DPF3: variants seen among roughly 807,000 people sequenced by gnomAD.
DPF3 encodes zinc finger protein DPF3.
In DPF3, 18 loss-of-function variants were observed where a neutral mutation model predicts 56.8. The ratio of observed to expected loss-of-function variants is 0.32; its 90% CI spans 0.22 to 0.47. The LOEUF (loss-of-function observed/expected upper bound fraction) is 0.47, where lower values mean the gene tolerates loss of function less well. Ranked by LOEUF, DPF3 falls within the 20% of genes least tolerant of loss-of-function variation. The pLI is 1.00. For missense variants in DPF3, 403 were observed against 488.8 expected (o/e 0.82, Z 1.65); for synonymous variants, 188 against 180.2 (o/e 1.04, Z -0.35).
At chr14:72,792,378 G>C (rs926382081) in intron 1 of DPF3, among the ~76,000 whole-genome samples, 1 of 151,992 alleles carries the variant, frequency 6.6e-6, no homozygotes, top group African/African-American at 2.4e-5. Flanking sequence ...AGATCCAAAG[G>C]CTTTCGCTTT....
At chr14:72,725,936 CAG>C (rs1187479370) in intron 4 of DPF3, among the ~76,000 whole-genome samples, 1 of 152,164 alleles carries the variant, frequency 6.6e-6, no homozygotes, top group African/African-American at 2.4e-5. Context: ...GGGAATCCAC[CAG>C]CTGACAGCAC....
intron 1 of DPF3, among the ~76,000 whole-genome samples, chr14:72,878,383 G>A (rs777594323): frequency 1.6e-4 from 24 of 152,178 alleles, no homozygotes; most frequent in Non-Finnish European, 7.3e-5. Context: ...ACACAGAGTC[G>A]TAGGGAAAAT....
chr14:72,733,644 G>A (rs1889766364), intron 3 of DPF3, among the ~76,000 whole-genome samples: 1 of 152,162 alleles, frequency 6.6e-6, no homozygotes, highest in African/African-American at 2.4e-5. Context: ...AGCGAGAGGG[G>A]AAGGGAGCCC....
At chr14:72,861,782 A>AGAAAGAAAGAAAGAAAGAAAGAAG (rs1885439356) in intron 1 of DPF3, among the ~76,000 whole-genome samples, 2 of 150,814 alleles carry the variant, frequency 1.3e-5, no homozygotes, top group African/African-American at 5.0e-5. Flanking sequence ...AAAGAAAGAA[A>AGAAAGAAAGAAAGAAAGAAAGAAG]GAAAGAAAGA....
intron 1 of DPF3, among the ~76,000 whole-genome samples, chr14:72,824,373 T>C (rs1305584427): frequency 1.3e-5 from 2 of 152,158 alleles, no homozygotes; most frequent in Non-Finnish European, 2.9e-5. Flanking sequence ...TCCACACTTT[T>C]GTACTTGCTG....
At chr14:72,788,135 T>C (rs1226588083) in intron 1 of DPF3, among the ~76,000 whole-genome samples, 2 of 152,158 alleles carry the variant, frequency 1.3e-5, no homozygotes, top group Non-Finnish European at 2.9e-5. Context: ...ATGCACTTGG[T>C]AAGTGTTCAT....
At chr14:72,808,574 T>G (rs1882893422) in intron 1 of DPF3, among the ~76,000 whole-genome samples, 2 of 152,082 alleles carry the variant, frequency 1.3e-5, no homozygotes, top group African/African-American at 4.8e-5. Context: ...AAATTAAAAT[T>G]TTAATAGTGT....
chr14:72,713,498 C>A (rs1218829246), intron 6 of DPF3, among the ~76,000 whole-genome samples: 1 of 152,190 alleles, frequency 6.6e-6, no homozygotes, highest in Non-Finnish European at 1.5e-5. Context: ...GAGGGAGACC[C>A]GTGCCAGGGT....
chr14:72,700,437 G>A (rs1888108382), intron 6 of DPF3, among the ~76,000 whole-genome samples: 1 of 152,228 alleles, frequency 6.6e-6, no homozygotes, highest in Non-Finnish European at 1.5e-5. Flanking sequence ...TGGGTTCAGA[G>A]TGGAGATCTG....
At position 72,655,945 on chromosome 14, in the gene DPF3, C is replaced by T. The variant is rs547854329; in HGVS notation, c.871+18295G>A. On this transcript the variant is annotated intron_variant, in intron 8 of 10. Coordinates refer to ENST00000556509, the MANE Select transcript of DPF3 (RefSeq NM_001280542.3). ...GAAATGCTTGGCTATCAGTGAGTTC[C>T]GCATCAGCCTCGACAGTCTAAAATG... Among the ~76,000 whole-genome samples the T allele has an allele frequency of 8.5e-5, 13 of 152,254 alleles. No homozygotes were observed. In the South Asian group the frequency reaches 2.5e-3, roughly 29 times the overall value.
At chr14:72,773,284 C>T (rs1282641586) in intron 1 of DPF3, among the ~76,000 whole-genome samples, 3 of 152,020 alleles carry the variant, frequency 2.0e-5, no homozygotes, top group African/African-American at 4.8e-5. Flanking sequence ...AGGTACCTGC[C>T]ACCATGCCCG....
intron 3 of DPF3, among the ~76,000 whole-genome samples, chr14:72,733,589 C>G (rs541367302): frequency 6.6e-6 from 1 of 152,308 alleles, no homozygotes; most frequent in South Asian, 2.1e-4. Context: ...CATCCATCCT[C>G]CATCAGCCTG....
chr14:72,853,034 C>CGTGTATGTGTGTGTGTGTGT (rs1555513226), intron 1 of DPF3, among the ~76,000 whole-genome samples: 3 of 144,002 alleles, frequency 2.1e-5, no homozygotes, highest in Non-Finnish European at 4.6e-5. Flanking sequence ...CATAGCCTTG[C>CGTGTATGTGTGTGTGTGTGT]GTGTGTGTGT....
At chr14:72,821,175 A>G (rs893008388) in intron 1 of DPF3, among the ~76,000 whole-genome samples, 1 of 151,068 alleles carries the variant, frequency 6.6e-6, no homozygotes, top group African/African-American at 2.4e-5. Context: ...TGGCATGCAC[A>G]CTACTTGGGA....
chr14:72,646,236 T>C (rs1885719286), intron 8 of DPF3, among the ~76,000 whole-genome samples: 1 of 152,230 alleles, frequency 6.6e-6, no homozygotes, highest in Non-Finnish European at 1.5e-5. Context: ...TGGGAACTTC[T>C]ATTCATCCTC....
rs547537204 is a variant in DPF3 at position 72,821,785 on chromosome 14, T to G, written c.33-49892A>C. Among the ~76,000 whole-genome samples the G allele has an allele frequency of 2.0e-5, 3 of 152,220 alleles. No individual in the cohort carries two copies. The East Asian group carries it at 5.8e-4, about 30-fold the overall frequency. On this transcript the variant is annotated intron_variant, in intron 1 of 10. Coordinates refer to ENST00000556509, the MANE Select transcript of DPF3 (RefSeq NM_001280542.3). ...CTTTGGGAGACCAAGGCAGGAGGAC[T>G]GCTTGAGGCCAGGAGTTCAAGACTA...
At chr14:72,757,799 T>C (rs990469831) in intron 2 of DPF3, among the ~76,000 whole-genome samples, 2 of 152,176 alleles carry the variant, frequency 1.3e-5, no homozygotes, top group African/African-American at 4.8e-5. Flanking sequence ...GATTTTGGTA[T>C]CTTCTGGGGT....
chr14:72,784,506 T>C (rs1436876474), intron 1 of DPF3, among the ~76,000 whole-genome samples: 3 of 152,126 alleles, frequency 2.0e-5, no homozygotes, highest in African/African-American at 4.8e-5. Flanking sequence ...AGAATCTGAT[T>C]TTCCTTCCCC....
At chr14:72,659,359 C>G (rs1379993954) in intron 8 of DPF3, among the ~76,000 whole-genome samples, 1 of 152,168 alleles carries the variant, frequency 6.6e-6, no homozygotes, top group Admixed American at 6.5e-5. Context: ...TACTTTTGCC[C>G]TCCCTCTTGG....
Sources: allele counts gnomAD v4.1 joint callset (sites outside exome capture counted in the v4.1 genomes callset), GRCh38; gene constraint gnomAD v4.1.1; transcripts MANE v1.5; gene names NCBI Gene and HGNC (gene_info 2026-07-23, HGNC 2026-07-21).